The following IL6R variants were observed in gnomAD, a reference collection of about 807,000 sequenced individuals.
IL6R encodes the protein interleukin 6 receptor, also known as interleukin-6 receptor subunit alpha.
In IL6R, 38 loss-of-function variants were observed where a neutral mutation model predicts 48.3. The ratio of observed to expected loss-of-function variants is 0.79; its 90% confidence interval spans 0.61 to 1.03. IL6R has a LOEUF of 1.03. IL6R is among the 50% of genes least tolerant of loss of function. The pLI is 0.00. For missense variants in IL6R, 534 were observed against 618.3 expected, an observed-to-expected ratio of 0.86 and a Z score of 1.45; for synonymous variants, 264 against 256.2, an observed-to-expected ratio of 1.03 and a Z score of -0.29.
intron 6 of IL6R, among the ~76,000 whole-genome samples, chr1:154,441,822 G>A (rs1689950407): frequency 6.6e-6 from 1 of 152,110 alleles, no homozygotes; most frequent in Non-Finnish European, 1.5e-5. Context: ...CAGAGGTCCT[G>A]GGAAGCACCT....
intron 6 of IL6R, among the ~76,000 whole-genome samples, chr1:154,447,476 T>TATATATACATAC (rs1424013885): frequency 2.9e-5 from 2 of 68,826 alleles, no homozygotes; most frequent in Non-Finnish European, 5.6e-5. Context: ...TATATATATA[T>TATATATACATAC]ACACACACAC....
chr1:154,451,877 G>A (rs535977257), intron 8 of IL6R, among the ~76,000 whole-genome samples: 3 of 152,128 alleles, frequency 2.0e-5, no homozygotes, highest in South Asian at 4.2e-4. Flanking sequence ...AACACCTGAC[G>A]CCTCCCCACC....
At chr1:154,425,925 A>T (rs1452556386) in intron 1 of IL6R, among the ~76,000 whole-genome samples, 5 of 151,884 alleles carry the variant, frequency 3.3e-5, no homozygotes, top group Non-Finnish European at 7.4e-5. Flanking sequence ...AGTAAAAATT[A>T]AAAAATTAGC....
chr1:154,453,834 G>A (rs1057383852), intron 8 of IL6R, among the ~76,000 whole-genome samples: 2 of 152,156 alleles, frequency 1.3e-5, no homozygotes, highest in African/African-American at 4.8e-5. Flanking sequence ...GCCAAGTAGG[G>A]ACTAGACCAC....
At chr1:154,464,355 A>C (rs1158952071) in intron 9 of IL6R, among the ~76,000 whole-genome samples, 2 of 151,982 alleles carry the variant, frequency 1.3e-5, no homozygotes, top group African/African-American at 2.4e-5. Context: ...GGGTTTCACC[A>C]CGTTGGCCAG....
chr1:154,457,601 C>T (rs890625700), intron 9 of IL6R, among the ~76,000 whole-genome samples: 2 of 152,158 alleles, frequency 1.3e-5, no homozygotes, highest in African/African-American at 4.8e-5. Context: ...TTGGTTTTGT[C>T]ATTCATTTCC....
intron 9 of IL6R, among the ~76,000 whole-genome samples, chr1:154,462,881 C>T (rs997792027): frequency 6.6e-6 from 1 of 152,166 alleles, no homozygotes; most frequent in Non-Finnish European, 1.5e-5. Flanking sequence ...AATCTCAGCA[C>T]ACTGCAACCT....
chr1:154,409,252 A>C (rs1423097377), intron 1 of IL6R, among the ~76,000 whole-genome samples: 1 of 152,250 alleles, frequency 6.6e-6, no homozygotes, highest in Non-Finnish European at 1.5e-5. Flanking sequence ...GTGCAGATAC[A>C]GATCTCTTCC....
Position 154,456,453 on chromosome 1 carries a change from C to T in IL6R, c.1160+1872C>T, listed in dbSNP as rs146124076. On this transcript the variant is annotated intron_variant, in intron 9 of 9. Transcript: ENST00000368485. ...ATCTCCTGACCTCAGATGATCCGCC[C>T]GCCTCCGCCTCCCAAAGTGCTGGGA... Among the ~76,000 whole-genome samples, 1,416 of 152,058 alleles carry T rather than the reference C, an allele frequency of 9.3e-3. 21 individuals carry two copies. Among genetic ancestry groups the T allele is most frequent in the African/African-American group, 0.032 (1,320 of 41,470 alleles).
chr1:154,444,343 G>A (rs192880473), intron 6 of IL6R, among the ~76,000 whole-genome samples: 9 of 152,088 alleles, frequency 5.9e-5, no homozygotes, highest in Non-Finnish European at 8.8e-5. Context: ...TGAGTAGCTG[G>A]GATTACAGGC....
chr1:154,416,308 ATTT>A (rs1211685761), intron 1 of IL6R, among the ~76,000 whole-genome samples: 3 of 138,652 alleles, frequency 2.2e-5, no homozygotes, highest in Admixed American at 1.5e-4. Flanking sequence ...TTAAAAAAAA[ATTT>A]TTTTTTTTTT....
chr1:154,447,520 TAC>T (rs1690324034), intron 6 of IL6R, among the ~76,000 whole-genome samples: 7 of 127,802 alleles, frequency 5.5e-5, no homozygotes, highest in Non-Finnish European at 1.1e-4. Flanking sequence ...TATACACACA[TAC>T]ATATATATAC....
At chr1:154,447,595 A>C (rs1690340628) in intron 6 of IL6R, among the ~76,000 whole-genome samples, 1 of 149,548 alleles carries the variant, frequency 6.7e-6, no homozygotes, top group Non-Finnish European at 1.5e-5. Flanking sequence ...ATATAAAATA[A>C]ATTTTAAAAG....
chr1:154,415,218 C>G (rs955258725), intron 1 of IL6R: 1 of 647,116 alleles, frequency 1.5e-6, no homozygotes, highest in African/African-American at 1.8e-5. Context: ...CACCTCCACC[C>G]CCATTCCAAT....
intron 2 of IL6R, among the ~76,000 whole-genome samples, chr1:154,430,195 T>G (rs910797225): frequency 1.1e-4 from 16 of 152,210 alleles, no homozygotes; most frequent in African/African-American, 3.9e-4. Flanking sequence ...AAAGCCCTTT[T>G]TTTCGATCAT....
In IL6R at chr1:154,423,260, A is replaced by AATATATATATATATAT. The variant is rs35079361; in HGVS notation, c.86-5927_86-5912dup. 7.2e-3 allele frequency among the ~76,000 whole-genome samples: 617 copies of AATATATATATATATAT among 85,340 alleles called. 30 individuals carry two copies. Among genetic ancestry groups the AATATATATATATATAT allele is most frequent in the South Asian group, 0.011 (28 of 2,654 alleles). 56.0% of individuals were successfully genotyped at this position (85,340 alleles called of 152,430 possible). A position where few individuals can be genotyped will look rare whatever the true frequency, so the allele number is the denominator to read the frequency against. ...CCAGGCTATGTAGCTTGTTTAATTA[A>AATATATATATATATAT]ATATATATATATATATATATATATG... is the stretch of plus-strand genomic sequence containing the variant. On this transcript the variant is annotated intron_variant, in intron 1 of 9. Coordinates refer to ENST00000368485, the MANE Select transcript of IL6R (RefSeq NM_000565.4).
At chr1:154,448,312 A>C in intron 7 of IL6R, 141 bp downstream of exon 7, 2 of 680,046 alleles carry the variant, frequency 2.9e-6, no homozygotes, top group Non-Finnish European at 5.4e-6. Context: ...TGTGCTTTTC[A>C]AACCTCTGTG....
chr1:154,410,464 T>A (rs1028443834), intron 1 of IL6R, among the ~76,000 whole-genome samples: 5 of 152,198 alleles, frequency 3.3e-5, no homozygotes. Context: ...TGTTGCAGGC[T>A]GCTCTGGAAC....
In IL6R at chr1:154,439,776, C is replaced by T. The variant is rs145405771; in HGVS notation, c.949+3666C>T. 1.5e-3 allele frequency among the ~76,000 whole-genome samples: 234 copies of T among 152,348 alleles called. 1 individual carries two copies. The highest frequency in any genetic ancestry group is 5.5e-3 in the African/African-American group (230 of 41,588). On this transcript the variant is annotated intron_variant, in intron 6 of 9. Coordinates refer to ENST00000368485, the MANE Select transcript of IL6R (RefSeq NM_000565.4). ...ACCCACTCCTTCCCCCAGCTCGTGG[C>T]AACCACCAGTCTACTTGCTTTTTCT...
Sources: allele counts gnomAD v4.1 joint callset (sites outside exome capture counted in the v4.1 genomes callset), GRCh38; gene constraint gnomAD v4.1.1; transcripts MANE v1.5; gene names NCBI Gene and HGNC (gene_info 2026-07-23, HGNC 2026-07-21).